GCSH: variants seen among roughly 807,000 people sequenced by gnomAD.
The protein encoded by GCSH is glycine cleavage system protein H, also known as glycine cleavage system H protein, mitochondrial.
Under a neutral mutation model 21.3 loss-of-function variants are expected in GCSH, and 15 were observed. The observed-to-expected ratio is 0.70, with a 90% CI of 0.47 to 1.08. The LOEUF (loss-of-function observed/expected upper bound fraction) is 1.08, where lower values mean the gene tolerates loss of function less well. GCSH is among the 50% of genes least tolerant of loss of function. The probability of loss-of-function intolerance (pLI) is 0.00; values close to 1 mark genes in which losing one functional copy is unlikely to be tolerated. For synonymous variants in GCSH, 59 were observed against 84.5 expected (o/e 0.70, Z 1.66); for missense variants, 179 against 217.5 (o/e 0.82, Z 1.11).
At chr16:81,095,854 C>A (rs1972494726) in intron 1 of GCSH, among the ~76,000 whole-genome samples, 1 of 152,072 alleles carries the variant, frequency 6.6e-6, no homozygotes, top group East Asian at 1.9e-4. Flanking sequence ...CCGCCGGACC[C>A]GCCGGGCCAC....
rs573481272 is a variant in GCSH, at chr16:81,090,651, C to T, written c.178G>A (p.Val60Ile). Residue 60 changes from valine to isoleucine, a missense_variant, in exon 2 of 5, where the codon GTA becomes ATA. By Grantham distance (29) the Val-to-Ile change is conservative. Coordinates refer to ENST00000315467, the MANE Select transcript of GCSH (RefSeq NM_004483.5). ...VRKFTEKHEWVTTENGIGTVG... is the reference protein window; with the variant it reads ...VRKFTEKHEWITTENGIGTVG... ...GTTCCAATGCCATTTTCTGTTGTTA[C>T]CCATTCGTGTTTCTCTGTGAATTTA... is the stretch of plus-strand genomic sequence containing the variant. The T allele has an allele frequency of 1.2e-6, 2 of 1,612,754 alleles. No individual in the cohort carries two copies. The highest frequency in any genetic ancestry group is 2.2e-5 in the East Asian group (1 of 44,874).
chr16:81,096,346 G>A lies in GCSH; in HGVS notation c.-68C>T, dbSNP rs775003254. The A allele has an allele frequency of 7.6e-7, 1 of 1,313,848 alleles. No individual in the cohort carries two copies. 81.4% of individuals were successfully genotyped at this position (1,313,848 alleles called of 1,614,324 possible). On this transcript the variant is annotated 5_prime_UTR_variant, in exon 1 of 5. Coordinates refer to ENST00000315467, the MANE Select transcript of GCSH (RefSeq NM_004483.5). The stretch of plus-strand genomic sequence containing the variant: ...CCGCGCCGGGAGGCGGGGCGGGGAG[G>A]GGCAGTTCGCGGCCGGAGGGAGCCG...
intron 2 of GCSH, among the ~76,000 whole-genome samples, chr16:81,087,983 G>C (rs981011378): frequency 6.6e-6 from 1 of 152,104 alleles, no homozygotes; most frequent in Admixed American, 6.6e-5. Context: ...AAAATTAGCT[G>C]GGTGTGGTGG....
intron 1 of GCSH, among the ~76,000 whole-genome samples, chr16:81,093,360 GCCTA>G (rs924734139): frequency 6.6e-6 from 1 of 152,028 alleles, no homozygotes; most frequent in African/African-American, 2.4e-5. Context: ...TTGCCATCTT[GCCTA>G]CCTGTGAAGA....
intron 1 of GCSH, among the ~76,000 whole-genome samples, chr16:81,093,956 T>G (rs1204402510): frequency 6.6e-6 from 1 of 152,028 alleles, no homozygotes; most frequent in Non-Finnish European, 1.5e-5. Flanking sequence ...AGCTGGAGTG[T>G]AGTGGTGCAA....
chr16:81,096,148 C>A lies in GCSH; in HGVS notation c.131G>T (p.Gly44Val). Residue 44 changes from glycine (G) to valine (V), a missense_variant, in exon 1 of 5, where the codon GGA (glycine) becomes GTA (valine). Physicochemically the swap from Gly to Val is moderately radical, Grantham distance 109 (BLOSUM62 -3). Transcript: ENST00000315467. ...GCGCTTACCCGAGAGCAGAGCGGGT[C>A]CAGTGCGCAGCGTACGGACGGCGCC... ...GVGAVRTLRT[G>V]PALLSVRKFT... 7.7e-7 allele frequency: 1 copy of A among 1,303,178 alleles called. No individual in the cohort carries two copies. Among genetic ancestry groups the A allele is most frequent in the Non-Finnish European group, 9.7e-7 (1 of 1,030,824 alleles). 80.7% of individuals were successfully genotyped at this position (1,303,178 alleles called of 1,614,324 possible). A position where few individuals can be genotyped will look rare whatever the true frequency, so the allele number is the denominator to read the frequency against.
chr16:81,094,489 A>G (rs1972460716), intron 1 of GCSH, among the ~76,000 whole-genome samples: 2 of 151,822 alleles, frequency 1.3e-5, no homozygotes, highest in South Asian at 4.2e-4. Flanking sequence ...TGGGCGACAG[A>G]GCGAGACTCC....
At position 81,096,124 on chromosome 16, in the gene GCSH, C is replaced by T; in HGVS notation, c.148+7G>A. 1 of 1,248,320 alleles carries T rather than the reference C, an allele frequency of 8.0e-7. No individual in the cohort carries two copies. The highest frequency in any genetic ancestry group is 3.2e-5 in the East Asian group (1 of 31,492). The allele number at this position is 1,248,320 out of a possible 1,614,324, so 77.3% of individuals were successfully genotyped here. A position where few individuals can be genotyped will look rare whatever the true frequency, so the allele number is the denominator to read the frequency against. ...GGAGCAGCCGCCCACGTGCCCGCCG[C>T]GCTTACCCGAGAGCAGAGCGGGTCC... On this transcript the variant is annotated splice_region_variant and intron_variant, in intron 1 of 4. Transcript: ENST00000315467.
In GCSH at chr16:81,082,920, A is replaced by G. The variant is rs1284138089; in HGVS notation, c.468T>C (p.Asp156=). ...KMTLSNPSEL[D]ELMSEEAYEK... ...CATATGCTTCTTCACTCATAAGTTCATCTAGTTCTGAAGGGTTACTCAGTG... is the reference window on the plus strand; with the variant it reads ...CATATGCTTCTTCACTCATAAGTTCGTCTAGTTCTGAAGGGTTACTCAGTG... The change falls in exon 5 of 5, where the codon GAT becomes GAC. Residue 156 remains aspartate, a synonymous_variant. Coordinates refer to ENST00000315467, the MANE Select transcript of GCSH (RefSeq NM_004483.5). The G allele has an allele frequency of 6.4e-7, 1 of 1,570,220 alleles. No individual in the cohort carries two copies. The highest frequency in any genetic ancestry group is 8.8e-7 in the Non-Finnish European group (1 of 1,140,420).
chr16:81,090,532 T>C (rs1972377272), intron 2 of GCSH, 69 bp downstream of exon 2: 2 of 1,091,972 alleles, frequency 1.8e-6, no homozygotes, highest in Non-Finnish European at 2.8e-6. Context: ...TAAACACTTT[T>C]AAAAAGGTAG....
intron 1 of GCSH, among the ~76,000 whole-genome samples, chr16:81,095,793 G>A (rs1448246440): frequency 6.6e-6 from 1 of 152,112 alleles, no homozygotes; most frequent in Non-Finnish European, 1.5e-5. Flanking sequence ...TAAGGCCACC[G>A]AGACGCTTAA....
chr16:81,084,034 G>T, intron 4 of GCSH: 1 of 203,548 alleles, frequency 4.9e-6, no homozygotes, highest in Non-Finnish European at 9.9e-6. Context: ...GTGGAGTGGT[G>T]CGATCTTGGC....
chr16:81,088,407 T>C (rs8177897), intron 2 of GCSH, among the ~76,000 whole-genome samples: 1 of 152,192 alleles, frequency 6.6e-6, no homozygotes, highest in Non-Finnish European at 1.5e-5. Context: ...CTTTGTTTTA[T>C]TTGGTTTTGA....
chr16:81,093,683 T>C (rs1424487348), intron 1 of GCSH, among the ~76,000 whole-genome samples: 4 of 151,680 alleles, frequency 2.6e-5, no homozygotes, highest in African/African-American at 7.3e-5. Context: ...TCTACTAAAA[T>C]ACAAAAAATT....
chr16:81,085,249 G>A (rs112162988), intron 3 of GCSH, among the ~76,000 whole-genome samples: 12 of 151,970 alleles, frequency 7.9e-5, no homozygotes, highest in African/African-American at 2.9e-4. Flanking sequence ...TCCTGACCTC[G>A]TGATCAACCC....
intron 3 of GCSH, among the ~76,000 whole-genome samples, chr16:81,084,865 G>C (rs1393491640): frequency 1.4e-5 from 2 of 147,526 alleles, no homozygotes; most frequent in Non-Finnish European, 3.0e-5. Flanking sequence ...GCGCCCACCT[G>C]CCACCACGCC....
chr16:81,088,812 CA>C (rs1227087800), intron 2 of GCSH, among the ~76,000 whole-genome samples: 1 of 152,184 alleles, frequency 6.6e-6, no homozygotes, highest in East Asian at 1.9e-4. Context: ...ACTGATTCTA[CA>C]AATCATAGTC....
At chr16:81,096,098 G>C (rs1302023757) in intron 1 of GCSH, 33 bp downstream of exon 1, 2 of 1,239,486 alleles carry the variant, frequency 1.6e-6, no homozygotes, top group South Asian at 3.5e-5. Flanking sequence ...CAGGCGGGGA[G>C]GGAGCAGCCG....
intron 3 of GCSH, among the ~76,000 whole-genome samples, chr16:81,084,853 A>G (rs1972239884): frequency 6.6e-6 from 1 of 151,596 alleles, no homozygotes; most frequent in African/African-American, 2.4e-5. Flanking sequence ...CTGGGACTAC[A>G]GGCGCCCACC....
Sources: allele counts gnomAD v4.1 joint callset (sites outside exome capture counted in the v4.1 genomes callset), GRCh38; gene constraint gnomAD v4.1.1; transcripts MANE v1.5; gene names NCBI Gene and HGNC (gene_info 2026-07-23, HGNC 2026-07-21).